Variants in FAT4 observed in about 807,000 individuals in gnomAD.
FAT4 encodes FAT atypical cadherin 4.
FAT4 carries 84 observed loss-of-function variants against 303.9 expected under a neutral mutation model. The observed-to-expected ratio is 0.28, with a 90% confidence interval of 0.23 to 0.33. The LOEUF (loss-of-function observed/expected upper bound fraction) is 0.33. Ranked by LOEUF, FAT4 falls within the 10% of genes least tolerant of loss-of-function variation. The probability of loss-of-function intolerance (pLI) is 1.00; values close to 1 mark genes in which losing one functional copy is unlikely to be tolerated. For synonymous variants in FAT4, 2,307 were observed against 2,298.8 expected (o/e 1.00, Z -0.10); for missense variants, 6,005 against 6,146.8 (o/e 0.98, Z 0.77).
At chr4:125,351,439 A>G (rs567482690) in intron 2 of FAT4, among the ~76,000 whole-genome samples, 1 of 151,894 alleles carries the variant, frequency 6.6e-6, no homozygotes, top group African/African-American at 2.4e-5. Context: ...ACCATGAACC[A>G]TGTGATGCAT....
Position 125,319,360 on chromosome 4 carries a change from A to G in FAT4, c.2949A>G (p.Thr983=). 6.2e-7 allele frequency: 1 copy of G among 1,612,448 alleles called. No individual in the cohort carries two copies. Among genetic ancestry groups the G allele is most frequent in the Non-Finnish European group, 8.5e-7 (1 of 1,178,902 alleles). The change falls in exon 2 of 18, where the codon ACA becomes ACG. Residue 983 remains threonine, a synonymous_variant. Transcript: ENST00000394329. ...AGCTCTCCTCTAGTGTCATCTTAAC[A>G]GTTTATGTCCATGATGTAAATGACA... is the stretch of plus-strand genomic sequence containing the variant. ...VPQLSSSVIL[T]VYVHDVNDNS...
rs1730707459 is a variant in FAT4, at chr4:125,317,931, A to G, written c.1520A>G (p.Asn507Ser). 4 of 1,614,118 alleles carry G rather than the reference A, an allele frequency of 2.5e-6. No individual in the cohort carries two copies. Among genetic ancestry groups the G allele is most frequent in the Non-Finnish European group, 3.4e-6 (4 of 1,180,024 alleles). The change falls in exon 2 of 18, where the codon AAT becomes AGT. Residue 507 changes from asparagine to serine, a missense_variant. Asn to Ser is a conservative substitution (Grantham distance 46). Coordinates refer to ENST00000394329, the MANE Select transcript of FAT4 (RefSeq NM_001291303.3). The surrounding 1 kb of genome is among the most constrained non-coding windows in gnomAD (Gnocchi z 7.0). Reference protein sequence around the residue: ...ISATDGDSGLNANLRYSIVSG... With the variant: ...ISATDGDSGLSANLRYSIVSG... ...GCCACTGATGGCGACTCTGGTCTCA[A>G]TGCTAATCTGCGTTACAGCATTGTC...
intron 10 of FAT4, among the ~76,000 whole-genome samples, chr4:125,454,261 ATTGAATCAC>A (rs1421557228): frequency 6.6e-6 from 1 of 152,234 alleles, no homozygotes; most frequent in Non-Finnish European, 1.5e-5. Context: ...TATTTGGAGA[ATTGAATCAC>A]TTGAGGAAAA....
chr4:125,470,203 T>C (rs1337420828), intron 12 of FAT4, among the ~76,000 whole-genome samples: 2 of 152,206 alleles, frequency 1.3e-5, no homozygotes, highest in Non-Finnish European at 2.9e-5. Context: ...AACCATGCTG[T>C]AAACAGATGC....
chr4:125,415,750 C>T lies in FAT4; in HGVS notation c.6787C>T (p.Pro2263Ser). 1 of 1,613,872 alleles carries T rather than the reference C, an allele frequency of 6.2e-7. No homozygotes were observed. Among genetic ancestry groups the T allele is most frequent in the Non-Finnish European group, 8.5e-7 (1 of 1,179,864 alleles). ...NDFVPVFELS[P>S]YSVNVPENLG... is the part of the protein sequence containing the mutation. ...CTTTGTTCCTGTATTTGAGCTATCT[C>T]CATATTCTGTAAATGTCCCTGAGAA... Residue 2263 changes from proline (P) to serine (S), a missense_variant, in exon 6 of 18, where the codon CCA becomes TCA. Pro to Ser is a moderately conservative substitution (Grantham distance 74, BLOSUM62 -1). Coordinates refer to ENST00000394329, the MANE Select transcript of FAT4 (RefSeq NM_001291303.3).
chr4:125,436,446 G>A (rs77217742), intron 8 of FAT4, among the ~76,000 whole-genome samples: 9,889 of 152,156 alleles, frequency 0.065, 348 homozygotes, highest in Middle Eastern at 0.099. Flanking sequence ...TTAGGGTTGG[G>A]GTTAGGGCTG....
At chr4:125,406,441 CTTTG>C (rs1734609874) in intron 3 of FAT4, among the ~76,000 whole-genome samples, 2 of 152,258 alleles carry the variant, frequency 1.3e-5, no homozygotes, top group South Asian at 4.1e-4. Context: ...ATACCTCTAA[CTTTG>C]TTTATCTTTC....
chr4:125,444,132 T>G (rs1257775029), intron 8 of FAT4, among the ~76,000 whole-genome samples: 1 of 152,142 alleles, frequency 6.6e-6, no homozygotes, highest in African/African-American at 2.4e-5. Context: ...AATTAAAAAA[T>G]CAGAATTTAT....
At chr4:125,373,911 A>T (rs1733218061) in intron 2 of FAT4, among the ~76,000 whole-genome samples, 1 of 150,784 alleles carries the variant, frequency 6.6e-6, no homozygotes, top group Non-Finnish European at 1.5e-5. Context: ...AAATATCTGT[A>T]TTAGAAAATA....
chr4:125,442,829 ATATATAT>A (rs1288754482), intron 8 of FAT4, among the ~76,000 whole-genome samples: 4 of 152,236 alleles, frequency 2.6e-5, no homozygotes, highest in South Asian at 4.1e-4. Flanking sequence ...TACGTTATAC[ATATATAT>A]TATATAGGTC....
intron 11 of FAT4, among the ~76,000 whole-genome samples, chr4:125,467,728 A>T (rs911093688): frequency 5.9e-5 from 9 of 152,248 alleles, no homozygotes; most frequent in Non-Finnish European, 2.9e-5. Context: ...CTTGAAAATA[A>T]CATGAATATA....
intron 3 of FAT4, among the ~76,000 whole-genome samples, chr4:125,401,300 TG>T (rs1734379014): frequency 1.3e-5 from 2 of 152,172 alleles, no homozygotes; most frequent in South Asian, 4.1e-4. Context: ...TTTTTGTTGT[TG>T]TTTTTAGTTG....
At chr4:125,387,539 A>T (rs992767416) in intron 2 of FAT4, among the ~76,000 whole-genome samples, 1 of 152,074 alleles carries the variant, frequency 6.6e-6, no homozygotes, top group Non-Finnish European at 1.5e-5. Context: ...ACTCTCCCCA[A>T]TCTATGATTC....
intron 7 of FAT4, 125 bp downstream of exon 7, chr4:125,416,747 A>T: frequency 1.2e-6 from 1 of 804,644 alleles, no homozygotes; most frequent in Non-Finnish European, 2.0e-6. Context: ...GGAGTTCAAG[A>T]CCAGCCTGAC....
chr4:125,370,878 G>T (rs1176485781), intron 2 of FAT4, among the ~76,000 whole-genome samples: 1 of 152,082 alleles, frequency 6.6e-6, no homozygotes, highest in Admixed American at 6.6e-5. Flanking sequence ...AGCCTGGGTG[G>T]CTCACGCCTG....
At chr4:125,470,416 G>A (rs1726816667) in intron 12 of FAT4, among the ~76,000 whole-genome samples, 1 of 152,132 alleles carries the variant, frequency 6.6e-6, no homozygotes, top group Non-Finnish European at 1.5e-5. Context: ...CTCTAGCTAT[G>A]AAAATCCTAG....
chr4:125,471,694 T>A (rs895894853), intron 12 of FAT4, among the ~76,000 whole-genome samples: 2 of 151,878 alleles, frequency 1.3e-5, no homozygotes, highest in African/African-American at 4.8e-5. Flanking sequence ...GGATTTTTAA[T>A]AAGAAAATGC....
Position 125,448,883 on chromosome 4 carries a change from A to G in FAT4, c.7873A>G (p.Ile2625Val), listed in dbSNP as rs1725927754. The change falls in exon 10 of 18, where the codon ATT (isoleucine) becomes GTT (valine). Residue 2625 changes from isoleucine to valine, a missense_variant. By Grantham distance (29) the Ile-to-Val change is conservative (BLOSUM62 3). Transcript: ENST00000394329. ...QIDQLTGQVSISQPLDFEKIQ... is the reference protein window; with the variant it reads ...QIDQLTGQVSVSQPLDFEKIQ... ...TGATCAGTTAACAGGGCAGGTGTCT[A>G]TTAGTCAACCTCTGGATTTTGAAAA... The G allele has an allele frequency of 3.1e-6, 5 of 1,609,744 alleles. No individual in the cohort carries two copies. The highest frequency in any genetic ancestry group is 4.2e-6 in the Non-Finnish European group (5 of 1,179,054).
rs994174271 is a variant in FAT4 at position 125,318,649 on chromosome 4, T to C, written c.2238T>C (p.Ser746=). Residue 746 remains serine, a synonymous_variant, in exon 2 of 18, where the codon TCT becomes TCC. Transcript: ENST00000394329. ...FQVNAQSGVI[S]TRMALDREEK... ...TCAATGCTCAGAGTGGGGTTATTTCTACAAGAATGGCCCTAGACAGAGAAG... is the reference window on the plus strand; with the variant it reads ...TCAATGCTCAGAGTGGGGTTATTTCCACAAGAATGGCCCTAGACAGAGAAG... The C allele has an allele frequency of 1.2e-6, 2 of 1,614,000 alleles. No homozygotes were observed. Among genetic ancestry groups the C allele is most frequent in the African/African-American group, 1.3e-5 (1 of 74,896 alleles).
Sources: allele counts gnomAD v4.1 joint callset (sites outside exome capture counted in the v4.1 genomes callset), GRCh38; gene constraint gnomAD v4.1.1; non-coding constraint Gnocchi (gnomAD v3.1); transcripts MANE v1.5; gene names NCBI Gene and HGNC (gene_info 2026-07-23, HGNC 2026-07-21).